UPRT: variants seen among roughly 807,000 people sequenced by gnomAD.
The protein encoded by UPRT is RP11-311P8.3.
A neutral mutation model predicts 22.6 loss-of-function variants in UPRT; 5 were observed. That is an observed-to-expected ratio of 0.22 (90% CI 0.12 to 0.47). UPRT has a LOEUF of 0.47. Ranked by LOEUF, UPRT falls within the 20% of genes least tolerant of loss-of-function variation. The pLI, the probability that UPRT is intolerant of heterozygous loss-of-function variation, is 0.99. For synonymous variants in UPRT, 77 were observed against 87.7 expected (o/e 0.88, Z 0.68); for missense variants, 181 against 239.9 (o/e 0.75, Z 1.62).
At chrX:75,192,177 T>G (rs2082317545) in intron 4 of UPRT, among the ~76,000 whole-genome samples, 1 of 111,963 alleles carries the variant, frequency 8.9e-6, no homozygotes. Context: ...TTCTTATCAG[T>G]TTCAAAGAAC....
intron 1 of UPRT, among the ~76,000 whole-genome samples, chrX:75,283,960 C>G (rs987261870): frequency 2.7e-5 from 3 of 111,575 alleles, no homozygotes; most frequent in Non-Finnish European, 5.6e-5. Flanking sequence ...TTAACATAAT[C>G]CTAGAATTCT....
Position 75,251,092 on chromosome X carries a change from C to A in UPRT, c.-446-39932C>A, listed in dbSNP as rs761016077. Among the ~76,000 whole-genome samples the A allele has an allele frequency of 5.0e-4, 56 of 111,361 alleles. No homozygotes were observed. The Middle Eastern group carries it at 0.019, about 37-fold the overall frequency. ...TAATAAGAGCTATCTATGACAAACC[C>A]ACAGCCAATATCATACTAAATGGAC... On this transcript the variant is annotated intron_variant, in intron 4 of 13. Coordinates refer to the UPRT transcript ENST00000652605.
intron 4 of UPRT, among the ~76,000 whole-genome samples, chrX:75,233,051 G>T (rs2082445093): frequency 9.0e-6 from 1 of 111,622 alleles, no homozygotes; most frequent in Admixed American, 9.5e-5. Context: ...AAATTAAGAA[G>T]AATGTATAAC....
chrX:75,290,789 C>G (rs1268813888), intron 1 of UPRT, among the ~76,000 whole-genome samples: 1 of 109,001 alleles, frequency 9.2e-6, no homozygotes, highest in African/African-American at 3.3e-5. Flanking sequence ...ACACTGGGGA[C>G]TACTAAATGG....
chrX:75,250,366 T>G (rs1427058422), intron 4 of UPRT, among the ~76,000 whole-genome samples: 1 of 109,988 alleles, frequency 9.1e-6, no homozygotes, highest in African/African-American at 3.3e-5. Flanking sequence ...CAATAAAAAG[T>G]AATAAAGGGG....
intron 4 of UPRT, among the ~76,000 whole-genome samples, chrX:75,262,627 C>G (rs1257074881): frequency 1.8e-5 from 2 of 109,969 alleles, no homozygotes. Context: ...AACAAACAAA[C>G]AAACAAAAAA....
chrX:75,192,846 T>G (rs2082320350), intron 4 of UPRT, among the ~76,000 whole-genome samples: 1 of 112,080 alleles, frequency 8.9e-6, no homozygotes, highest in South Asian at 3.7e-4. Flanking sequence ...TTTGAGCCTA[T>G]GGGCATCATT....
chrX:75,252,846 G>A (rs1226580855), intron 4 of UPRT, among the ~76,000 whole-genome samples: 1 of 112,335 alleles, frequency 8.9e-6, no homozygotes, highest in Non-Finnish European at 1.9e-5. Context: ...TATACACCAT[G>A]GAATACTATG....
intron 4 of UPRT, among the ~76,000 whole-genome samples, chrX:75,185,572 A>G (rs2082287148): frequency 8.9e-6 from 1 of 111,847 alleles, no homozygotes; most frequent in African/African-American, 3.3e-5. Context: ...TTTTCTATTG[A>G]TTGGAATAGT....
At chrX:75,228,881 T>C (rs1271855559) in intron 4 of UPRT, among the ~76,000 whole-genome samples, 1 of 112,203 alleles carries the variant, frequency 8.9e-6, no homozygotes, top group African/African-American at 3.2e-5. Context: ...CTGGAGAACA[T>C]TATGCTAAAT....
chrX:75,166,021 C>T (rs1157046748), intron 3 of UPRT, among the ~76,000 whole-genome samples: 1 of 111,964 alleles, frequency 8.9e-6, no homozygotes, highest in Non-Finnish European at 1.9e-5. Context: ...AATCATTAAC[C>T]TAGCACATAA....
chrX:75,271,905 T>C (rs1019588007), upstream of UPRT, among the ~76,000 whole-genome samples: 4 of 111,626 alleles, frequency 3.6e-5, no homozygotes, highest in Non-Finnish European at 7.5e-5. Context: ...TCAACATCAC[T>C]AATTATCAGA....
intron 4 of UPRT, among the ~76,000 whole-genome samples, chrX:75,239,998 G>A (rs2082483276): frequency 9.0e-6 from 1 of 110,975 alleles, no homozygotes; most frequent in Admixed American, 9.7e-5. Flanking sequence ...TATATTAAAT[G>A]GGGGAAAAGT....
At chrX:75,197,246 C>T (rs888045801) in intron 4 of UPRT, among the ~76,000 whole-genome samples, 3 of 111,756 alleles carry the variant, frequency 2.7e-5, no homozygotes, top group Admixed American at 1.9e-4. Context: ...TTTTGGTTTG[C>T]GGTGGCAAAC....
rs1229098861 is a variant in UPRT, at chrX:75,169,407, T to C, written c.-447+1528T>C. On this transcript the variant is annotated intron_variant, in intron 4 of 13. Transcript: ENST00000652605. ...CCAGCAGTGTAGAAGTGTTCCCTTTTCACTGCATCCACACCAACATCTATT... is the reference window on the plus strand; with the variant it reads ...CCAGCAGTGTAGAAGTGTTCCCTTTCCACTGCATCCACACCAACATCTATT... 2.7e-5 allele frequency among the ~76,000 whole-genome samples: 3 copies of C among 112,203 alleles called. No individual in the cohort carries two copies. In the Admixed American group the frequency reaches 2.8e-4, roughly 11 times the overall value.
intron 4 of UPRT, among the ~76,000 whole-genome samples, chrX:75,198,713 T>G (rs963403852): frequency 9.0e-6 from 1 of 111,337 alleles, no homozygotes; most frequent in Non-Finnish European, 1.9e-5. Context: ...CTATCATATA[T>G]GCAGATAGGT....
Position 75,260,416 on chromosome X carries a change from A to C in UPRT, c.-446-30608A>C, listed in dbSNP as rs1005317884. Reference sequence around the variant, plus strand: ...AAAGGGATGGAGGAAGATCTACCAAACAAATGGAAAGCAAAAAAAAAGCAG... The same window carrying C: ...AAAGGGATGGAGGAAGATCTACCAACCAAATGGAAAGCAAAAAAAAAGCAG... On this transcript the variant is annotated intron_variant, in intron 4 of 13. Coordinates refer to the UPRT transcript ENST00000652605. Among the ~76,000 whole-genome samples the C allele has an allele frequency of 8.9e-5, 10 of 112,219 alleles. No homozygotes were observed. In the South Asian group the frequency reaches 3.0e-3, roughly 33 times the overall value.
chrX:75,297,606 C>T, intron 4 of UPRT, 53 bp downstream of exon 4: 1 of 1,161,671 alleles, frequency 8.6e-7, no homozygotes, highest in Non-Finnish European at 1.2e-6. Flanking sequence ...GAAATGGTTG[C>T]TGTTTTCCAG....
Position 75,293,475 on chromosome X carries a change from A to G in UPRT, c.390A>G (p.Thr130=). 3.3e-6 allele frequency: 4 copies of G among 1,200,995 alleles called. No homozygotes were observed. Among genetic ancestry groups the G allele is most frequent in the Non-Finnish European group, 4.5e-6 (4 of 891,948 alleles). Residue 130 remains threonine, a synonymous_variant, in exon 2 of 7, where the codon ACA becomes ACG. Coordinates refer to ENST00000373383, the MANE Select transcript of UPRT (RefSeq NM_145052.4). ...RELQTIIRDK[T]ASRGDFMFSA... ...AACTTGTATTATCTTTTTTTAGGAC[A>G]GCCAGTAGAGGTGACTTCATGTTTT...
Sources: gnomAD v4.1 joint callset for allele counts (sites outside exome capture counted in the v4.1 genomes callset) on GRCh38, gnomAD v4.1.1 for gene constraint, MANE v1.5 for transcripts, NCBI Gene and HGNC (gene_info 2026-07-23, HGNC 2026-07-21) for gene names.